SLC25A36: variants seen among roughly 807,000 people sequenced by gnomAD.
SLC25A36 encodes epididymis secretory sperm binding protein.
SLC25A36 carries 24 observed loss-of-function variants against 35.3 expected under a neutral mutation model. The observed-to-expected ratio is 0.68, with a 90% CI of 0.49 to 0.96. The LOEUF (loss-of-function observed/expected upper bound fraction) is 0.96, where lower values mean the gene tolerates loss of function less well. Ranked by LOEUF, SLC25A36 falls within the 40% of genes least tolerant of loss-of-function variation. The probability of loss-of-function intolerance (pLI) is 0.00; values close to 1 mark genes in which losing one functional copy is unlikely to be tolerated. For synonymous variants in SLC25A36, 141 were observed against 132.2 expected, an observed-to-expected ratio of 1.07 and a Z score of -0.46; for missense variants, 294 against 381.1, an observed-to-expected ratio of 0.77 and a Z score of 1.90.
chr3:140,972,735 A>G (rs1342227534), intron 5 of SLC25A36: 1 of 152,192 alleles, frequency 6.6e-6, no homozygotes, highest in Non-Finnish European at 1.5e-5. Flanking sequence ...TAATGAAACT[A>G]GTTACAGTTG....
Position 140,970,810 on chromosome 3 carries a change from T to C in SLC25A36, c.386-117T>C, listed in dbSNP as rs549237989. On this transcript the variant is annotated intron_variant, in intron 4 of 6. Coordinates refer to ENST00000324194, the MANE Select transcript of SLC25A36 (RefSeq NM_001104647.3). Reference sequence around the variant, plus strand: ...GTGAAAAGTGTAATATATACATAAATTAGTAGTTTATTTATATACATTTTC... The same window carrying C: ...GTGAAAAGTGTAATATATACATAAACTAGTAGTTTATTTATATACATTTTC... The C allele has an allele frequency of 4.0e-5, 22 of 555,958 alleles. No individual in the cohort carries two copies. In the African/African-American group the frequency reaches 4.0e-4, roughly 10 times the overall value. The allele number at this position is 555,958 out of a possible 1,614,324, so 34.4% of individuals were successfully genotyped here.
intron 2 of SLC25A36, 142 bp downstream of exon 2, chr3:140,956,833 G>A: frequency 7.7e-7 from 1 of 1,299,250 alleles, no homozygotes; most frequent in Middle Eastern, 2.5e-4. Flanking sequence ...TACTCATAAG[G>A]AATGATAATC....
chr3:140,956,391 T>C, intron 1 of SLC25A36, 136 bp from the exon 2 acceptor site: 2 of 1,092,158 alleles, frequency 1.8e-6, no homozygotes, highest in Non-Finnish European at 2.4e-6. Context: ...ATCAGTTTAG[T>C]CATCTAACAT....
At chr3:140,963,410 G>A (rs1934680506) in intron 4 of SLC25A36, 183 bp downstream of exon 4, 1 of 488,540 alleles carries the variant, frequency 2.0e-6, no homozygotes, top group East Asian at 3.9e-5. Flanking sequence ...TGACATTTTT[G>A]TAGTCAGGAG....
At chr3:140,962,939 T>C (rs1288143595) in intron 3 of SLC25A36, among the ~76,000 whole-genome samples, 188 bp from the exon 4 acceptor site, 1 of 152,020 alleles carries the variant, frequency 6.6e-6, no homozygotes, top group African/African-American at 2.4e-5. Context: ...TGTTGTCTTA[T>C]TTTAATGAGT....
At chr3:140,954,196 A>G (rs901199435) in intron 1 of SLC25A36, among the ~76,000 whole-genome samples, 4 of 152,220 alleles carry the variant, frequency 2.6e-5, no homozygotes, top group Admixed American at 6.5e-5. Flanking sequence ...AGCTTTTTCA[A>G]TTAGCATAAT....
At chr3:140,946,931 C>A (rs1201857458) in intron 1 of SLC25A36, among the ~76,000 whole-genome samples, 1 of 152,092 alleles carries the variant, frequency 6.6e-6, no homozygotes, top group African/African-American at 2.4e-5. Context: ...TAGTTGAGAT[C>A]ACTAAGGGAG....
chr3:140,944,609 C>G (rs1576474463), intron 1 of SLC25A36, among the ~76,000 whole-genome samples: 1 of 152,154 alleles, frequency 6.6e-6, no homozygotes, highest in Non-Finnish European at 1.5e-5. Context: ...CTGCATATAT[C>G]TACAGAGGCA....
At chr3:140,966,242 T>A (rs990607751) in intron 4 of SLC25A36, 27 of 165,860 alleles carry the variant, frequency 1.6e-4, no homozygotes, top group East Asian at 1.4e-3. Flanking sequence ...AAATATTTTT[T>A]AAAAATATTT....
In SLC25A36 at chr3:140,975,097, C is replaced by CTTTTTTTTTTTTTTTTTTTTTTTTTTT. The variant is rs10662120; in HGVS notation, c.742+1096_742+1122dup. 1.3e-4 allele frequency among the ~76,000 whole-genome samples: 7 copies of CTTTTTTTTTTTTTTTTTTTTTTTTTTT among 55,188 alleles called. 3 individuals carry two copies. The East Asian group carries it at 1.4e-3, about 11-fold the overall frequency. 36.2% of individuals were successfully genotyped at this position (55,188 alleles called of 152,430 possible). A position where few individuals can be genotyped will look rare whatever the true frequency, so the allele number is the denominator to read the frequency against. On this transcript the variant is annotated intron_variant, in intron 6 of 6. Transcript: ENST00000324194. ...GTACAGTTGATAAACAAGATACATT[C>CTTTTTTTTTTTTTTTTTTTTTTTTTTT]TTTTTTTTTTTTTTTTTTTTTTTTT...
intron 5 of SLC25A36, among the ~76,000 whole-genome samples, chr3:140,971,317 T>A (rs745853212): frequency 6.6e-6 from 1 of 152,142 alleles, no homozygotes; most frequent in African/African-American, 2.4e-5. Flanking sequence ...TGGGTACTTA[T>A]AATTGGCCTC....
In SLC25A36 at chr3:140,976,463, GACTGCTGT is replaced by G; in HGVS notation, c.*16_*23del. 1 of 1,605,708 alleles carries G rather than the reference GACTGCTGT, an allele frequency of 6.2e-7. No homozygotes were observed. The highest frequency in any genetic ancestry group is 8.5e-7 in the Non-Finnish European group (1 of 1,176,318). On this transcript the variant is annotated 3_prime_UTR_variant, in exon 7 of 7. Transcript: ENST00000324194. ...CCTACTCAATGGATAGCAGCACGAGGACTGCTGTACTGCAAAAAAAGAAGACCAAAAGA... is the reference window on the plus strand; with the variant it reads ...CCTACTCAATGGATAGCAGCACGAGGACTGCAAAAAAAGAAGACCAAAAGA...
intron 5 of SLC25A36, chr3:140,973,168 T>G (rs1425358722): frequency 6.6e-6 from 1 of 152,192 alleles, no homozygotes; most frequent in African/African-American, 2.4e-5. Context: ...ATAGGGAATT[T>G]GACTTACATT....
chr3:140,956,907 A>G, intron 2 of SLC25A36: 1 of 728,160 alleles, frequency 1.4e-6, no homozygotes. Flanking sequence ...AATCATGTGT[A>G]TTTAGAATAT....
At chr3:140,953,422 TGCCTATTTAAA>T (rs1351717346) in intron 1 of SLC25A36, among the ~76,000 whole-genome samples, 1 of 151,606 alleles carries the variant, frequency 6.6e-6, no homozygotes, top group Non-Finnish European at 1.5e-5. Context: ...TTTTTTCAAC[TGCCTATTTAAA>T]GCTATGAGTG....
chr3:140,960,077 A>T (rs1176792758), intron 3 of SLC25A36, among the ~76,000 whole-genome samples: 2 of 152,160 alleles, frequency 1.3e-5, no homozygotes, highest in Admixed American at 1.3e-4. Flanking sequence ...AGGAGATATA[A>T]AATTACTAAT....
chr3:140,946,383 T>G (rs962978953), intron 1 of SLC25A36, among the ~76,000 whole-genome samples: 3 of 152,210 alleles, frequency 2.0e-5, no homozygotes, highest in Non-Finnish European at 4.4e-5. Flanking sequence ...TGATAGAGCC[T>G]TCTTAAGCCT....
chr3:140,967,444 CA>C (rs201960658), intron 4 of SLC25A36, among the ~76,000 whole-genome samples: 2 of 150,042 alleles, frequency 1.3e-5, no homozygotes, highest in Non-Finnish European at 3.0e-5. Context: ...AACTCTTTTG[CA>C]AAAAAAACAA....
At chr3:140,949,597 T>G (rs1056447935) in intron 1 of SLC25A36, among the ~76,000 whole-genome samples, 2 of 152,156 alleles carry the variant, frequency 1.3e-5, no homozygotes, top group Admixed American at 6.5e-5. Flanking sequence ...ACTACGAACA[T>G]AAAGAACATG....
Sources: allele counts gnomAD v4.1 joint callset (sites outside exome capture counted in the v4.1 genomes callset), GRCh38; gene constraint gnomAD v4.1.1; transcripts MANE v1.5; gene names NCBI Gene and HGNC (gene_info 2026-07-23, HGNC 2026-07-21).